The following RCBTB2 variants were observed in gnomAD, a reference collection of about 807,000 sequenced individuals.
RCBTB2 encodes the protein RCC1 and BTB domain containing protein 2, also known as RCC1 and BTB domain-containing protein 2.
A neutral mutation model predicts 65.4 loss-of-function variants in RCBTB2; 55 were observed. The ratio of observed to expected loss-of-function variants is 0.84; its 90% CI spans 0.68 to 1.05. The LOEUF is 1.05. RCBTB2 is among the 50% of genes least tolerant of loss of function. The probability of loss-of-function intolerance (pLI) is 0.00; values close to 1 mark genes in which losing one functional copy is unlikely to be tolerated. For synonymous variants in RCBTB2, 220 were observed against 255.2 expected, an observed-to-expected ratio of 0.86 and a Z score of 1.31; for missense variants, 599 against 680.1, an observed-to-expected ratio of 0.88 and a Z score of 1.33.
intron 10 of RCBTB2, 83 bp downstream of exon 10, chr13:48,510,546 C>T: frequency 7.1e-7 from 1 of 1,415,740 alleles, no homozygotes; most frequent in Non-Finnish European, 9.8e-7. Context: ...CAGTACATTC[C>T]CCACCATTCT....
chr13:48,504,139 G>T, intron 10 of RCBTB2: 2 of 981,720 alleles, frequency 2.0e-6, no homozygotes, highest in Non-Finnish European at 2.4e-6. Context: ...AGCCACCACT[G>T]GGGGGTCAGG....
intron 1 of RCBTB2, among the ~76,000 whole-genome samples, chr13:48,527,361 T>TATATCATA: frequency 6.2e-5 from 7 of 112,428 alleles, no homozygotes; most frequent in African/African-American, 2.8e-4. Flanking sequence ...TGATATATAT[T>TATATCATA]TATATATGAT....
At chr13:48,528,053 A>T (rs1196191787) in intron 1 of RCBTB2, among the ~76,000 whole-genome samples, 1 of 152,232 alleles carries the variant, frequency 6.6e-6, no homozygotes, top group African/African-American at 2.4e-5. Context: ...TATGGGACAT[A>T]GGTTCATTTG....
At chr13:48,496,077 T>A (rs1313106568) in intron 14 of RCBTB2, 114 bp downstream of exon 14, 18 of 1,040,606 alleles carry the variant, frequency 1.7e-5, no homozygotes, top group African/African-American at 3.3e-5. Context: ...CTTCATTTTT[T>A]AAAAAATATT....
chr13:48,517,658 T>C (rs1243255004), intron 4 of RCBTB2, among the ~76,000 whole-genome samples: 1 of 152,132 alleles, frequency 6.6e-6, no homozygotes, highest in Non-Finnish European at 1.5e-5. Flanking sequence ...TTCTTGTAAA[T>C]AAAGCTTTGT....
In RCBTB2 at chr13:48,521,488, G is replaced by A. The variant is rs1353851373; in HGVS notation, c.42+410C>T. Among the ~76,000 whole-genome samples the A allele has an allele frequency of 2.0e-5, 3 of 152,198 alleles. No individual in the cohort carries two copies. In the South Asian group the frequency reaches 6.2e-4, roughly 31 times the overall value. ...GTTGACTGTCATGTTCAGATGTGATGAAGAAAGAAATTAAAGAATGTCTAT... is the reference window on the plus strand; with the variant it reads ...GTTGACTGTCATGTTCAGATGTGATAAAGAAAGAAATTAAAGAATGTCTAT... On this transcript the variant is annotated intron_variant, in intron 4 of 14. Transcript: ENST00000344532.
chr13:48,527,361 T>TATGATATATATATATATATCATATA lies in RCBTB2; in HGVS notation c.-218-2605_-218-2604insTATATGATATATATATATATATCAT. Among the ~76,000 whole-genome samples the TATGATATATATATATATATCATATA allele has an allele frequency of 1.8e-3, 206 of 112,408 alleles. 6 individuals are homozygous for TATGATATATATATATATATCATATA. Among genetic ancestry groups the TATGATATATATATATATATCATATA allele is most frequent in the African/African-American group, 1.0e-2 (180 of 18,086 alleles). 73.7% of individuals were successfully genotyped at this position (112,408 alleles called of 152,430 possible). A position where few individuals can be genotyped will look rare whatever the true frequency, so the allele number is the denominator to read the frequency against. The stretch of plus-strand genomic sequence containing the variant: ...TGATATATATATATATGATATATAT[T>TATGATATATATATATATATCATATA]TATATATGATATATATATATGATAT... On this transcript the variant is annotated intron_variant, in intron 1 of 14. Coordinates refer to ENST00000344532, the MANE Select transcript of RCBTB2 (RefSeq NM_001268.4).
chr13:48,534,180 A>G (rs181656247), upstream of RCBTB2, among the ~76,000 whole-genome samples: 5 of 152,362 alleles, frequency 3.3e-5, no homozygotes, highest in African/African-American at 1.2e-4. Context: ...GTAAGTATAC[A>G]TTAACAGGAA....
chr13:48,510,601 G>A, intron 10 of RCBTB2, 28 bp downstream of exon 10: 3 of 1,611,932 alleles, frequency 1.9e-6, no homozygotes, highest in Non-Finnish European at 2.5e-6. Flanking sequence ...AAAGACCAGT[G>A]TGGGGACTGT....
intron 14 of RCBTB2, among the ~76,000 whole-genome samples, chr13:48,493,315 A>ACTCTCCCCCTCTCTCTCTCT (rs1949812064): frequency 1.3e-5 from 1 of 75,028 alleles, no homozygotes; most frequent in African/African-American, 6.0e-5. Flanking sequence ...ACACACACAC[A>ACTCTCCCCCTCTCTCTCTCT]CTCTCTCTCT....
chr13:48,510,417 A>G (rs940936088), intron 10 of RCBTB2, among the ~76,000 whole-genome samples: 3 of 152,258 alleles, frequency 2.0e-5, no homozygotes, highest in South Asian at 2.1e-4. Context: ...TTGGAGGTAT[A>G]GATGAAACAT....
In RCBTB2 at chr13:48,512,142, C is replaced by A. The variant is rs1390550995; in HGVS notation, c.549G>T (p.Gln183His). 6.2e-7 allele frequency: 1 copy of A among 1,614,110 alleles called. No homozygotes were observed. ...GATTAACTGTTGATCCAGATCCTAC[C>A]TGCCCAGAGTTATTATAACCCCAGG... The part of the protein sequence containing the change: ...VFAWGYNNSG[Q>H]VGSGSTVNQP... Residue 183 changes from glutamine to histidine, a missense_variant, in exon 8 of 15, where the codon CAG (glutamine) becomes CAT (histidine). Coordinates refer to ENST00000344532, the MANE Select transcript of RCBTB2 (RefSeq NM_001268.4).
intron 1 of RCBTB2, chr13:48,532,273 T>C (rs1049030644): frequency 4.6e-5 from 7 of 152,318 alleles, no homozygotes; most frequent in East Asian, 3.8e-4. Flanking sequence ...GAGCACTATG[T>C]TGCGGCTTAA....
chr13:48,518,037 G>A (rs959152495), intron 4 of RCBTB2, among the ~76,000 whole-genome samples: 2 of 152,180 alleles, frequency 1.3e-5, no homozygotes, highest in Admixed American at 6.5e-5. Flanking sequence ...GAGCAGCAAG[G>A]ATTGCTGGGG....
At chr13:48,496,623 T>C (rs1370812596) in intron 13 of RCBTB2, among the ~76,000 whole-genome samples, 4 of 151,216 alleles carry the variant, frequency 2.6e-5, no homozygotes, top group Non-Finnish European at 4.4e-5. Flanking sequence ...CCCCTTCCCC[T>C]GCAATCTCAA....
rs1253786875 is a variant in RCBTB2, at chr13:48,515,305, G to A, written c.249C>T (p.Val83=). The A allele has an allele frequency of 4.3e-6, 7 of 1,613,970 alleles. No homozygotes were observed. The highest frequency in any genetic ancestry group is 2.2e-5 in the East Asian group (1 of 44,890). ...GTCTCCGAGGTTCAATGGTGCTCTG[G>A]ACGTCACCTAACCCCAAACAGCCAC... The part of the protein sequence containing the change: ...NCCGCLGLGD[V]QSTIEPRRLD... Residue 83 remains valine, a synonymous_variant, in exon 6 of 15, where the codon GTC becomes GTT. Transcript: ENST00000344532.
chr13:48,532,739 A>T (rs1261985831), intron 1 of RCBTB2: 1 of 298,112 alleles, frequency 3.4e-6, no homozygotes, highest in Non-Finnish European at 6.6e-6. Flanking sequence ...CACCGGGCCC[A>T]CGCCAGCGGA....
At chr13:48,519,090 A>C (rs764020164) in intron 4 of RCBTB2, among the ~76,000 whole-genome samples, 2 of 152,184 alleles carry the variant, frequency 1.3e-5, no homozygotes, top group Non-Finnish European at 2.9e-5. Context: ...AGACTAAGTA[A>C]TCTTTCAAGA....
intron 5 of RCBTB2, 113 bp from the exon 6 acceptor site, chr13:48,515,468 A>C: frequency 7.2e-7 from 1 of 1,379,538 alleles, no homozygotes. Flanking sequence ...ATAATAAATA[A>C]AACCTAATTT....
Sources: allele counts gnomAD v4.1 joint callset (sites outside exome capture counted in the v4.1 genomes callset), GRCh38; gene constraint gnomAD v4.1.1; transcripts MANE v1.5; gene names NCBI Gene and HGNC (gene_info 2026-07-23, HGNC 2026-07-21).